Variants in CYP4X1 observed in about 807,000 individuals in gnomAD.
CYP4X1 encodes the protein cytochrome P450 4X1.
Under a neutral mutation model 57.9 loss-of-function variants are expected in CYP4X1, and 44 were observed. That is an observed-to-expected ratio of 0.76 (90% confidence interval 0.60 to 0.98). CYP4X1 has a LOEUF of 0.98. Ranked by LOEUF, CYP4X1 falls within the 50% of genes least tolerant of loss-of-function variation. The pLI, the probability that CYP4X1 is intolerant of heterozygous loss-of-function variation, is 0.00. For synonymous variants in CYP4X1, 227 were observed against 228.6 expected, an observed-to-expected ratio of 0.99 and a Z score of 0.06; for missense variants, 532 against 623.9, an observed-to-expected ratio of 0.85 and a Z score of 1.57.
intron 3 of CYP4X1, among the ~76,000 whole-genome samples, chr1:47,032,893 C>T (rs1644139042): frequency 6.6e-6 from 1 of 152,110 alleles, no homozygotes; most frequent in South Asian, 2.1e-4. Context: ...TATCATAGTT[C>T]ATTATTGAGA....
the CYP4X1 span, among the ~76,000 whole-genome samples, chr1:47,008,627 G>T: frequency 3.3e-5 from 5 of 152,094 alleles, 1 homozygote; most frequent in South Asian, 2.1e-4. Flanking sequence ...ACACAGACTG[G>T]CAAATTGGAT....
chr1:47,037,345 C>G (rs1291981197), intron 6 of CYP4X1, among the ~76,000 whole-genome samples: 5 of 146,294 alleles, frequency 3.4e-5, no homozygotes, highest in African/African-American at 7.6e-5. Flanking sequence ...GATCTCAGCT[C>G]ACTACAACCT....
At chr1:46,983,092 G>T in the CYP4X1 span, among the ~76,000 whole-genome samples, 159 of 152,306 alleles carry the variant, frequency 1.0e-3, no homozygotes, top group African/African-American at 3.7e-3. Context: ...AGGCCGTCTG[G>T]CCTTTTCTCT....
At chr1:46,999,746 ACT>A in the CYP4X1 span, among the ~76,000 whole-genome samples, 7,748 of 119,302 alleles carry the variant, frequency 0.065, 439 homozygotes, top group African/African-American at 0.17. Context: ...CTGTCTTTTA[ACT>A]CTTTTTCTTT....
rs769170796 is a variant in CYP4X1, at chr1:47,033,410, C to T, written c.492+42C>T. The T allele has an allele frequency of 1.4e-5, 22 of 1,609,778 alleles. 1 individual carries two copies. Among genetic ancestry groups the T allele is most frequent in the South Asian group, 3.3e-5 (3 of 90,520 alleles). On this transcript the variant is annotated intron_variant, in intron 4 of 11. Coordinates refer to ENST00000371901, the MANE Select transcript of CYP4X1 (RefSeq NM_178033.2). ...AGTGCTCTGTGCATTGCGAAATGCTCCCAGCAATGGACAGTATTAGGTATG... is the reference window on the plus strand; with the variant it reads ...AGTGCTCTGTGCATTGCGAAATGCTTCCAGCAATGGACAGTATTAGGTATG...
chr1:47,003,281 A>C, the CYP4X1 span: 1 of 152,250 alleles, frequency 6.6e-6, no homozygotes, highest in South Asian at 2.1e-4. Flanking sequence ...AGAAATTTGG[A>C]ACTGTTTCTG....
the CYP4X1 span, among the ~76,000 whole-genome samples, chr1:47,018,622 G>A: frequency 2.0e-5 from 3 of 152,046 alleles, no homozygotes; most frequent in African/African-American, 7.3e-5. Flanking sequence ...CTCTGTTTCA[G>A]GGGCTTAGAG....
chr1:46,999,260 G>A, the CYP4X1 span, among the ~76,000 whole-genome samples: 1 of 152,154 alleles, frequency 6.6e-6, no homozygotes, highest in Non-Finnish European at 1.5e-5. Flanking sequence ...ACTTATAATT[G>A]ACATATTCAA....
chr1:46,977,954 T>C, the CYP4X1 span, among the ~76,000 whole-genome samples: 3 of 151,996 alleles, frequency 2.0e-5, no homozygotes, highest in Non-Finnish European at 4.4e-5. Flanking sequence ...CAGGACTGCC[T>C]TACAAGAGCT....
chr1:47,021,063 T>C (rs1188536609), upstream of CYP4X1, among the ~76,000 whole-genome samples: 1 of 141,516 alleles, frequency 7.1e-6, no homozygotes, highest in African/African-American at 2.6e-5. Context: ...TCCAGGTTGA[T>C]GGGATTTTTT....
the CYP4X1 span, among the ~76,000 whole-genome samples, chr1:46,977,837 A>G: frequency 6.6e-6 from 1 of 152,136 alleles, no homozygotes; most frequent in African/African-American, 2.4e-5. Flanking sequence ...TCTTAAAAAA[A>G]AGAATTTTCA....
intron 8 of CYP4X1, among the ~76,000 whole-genome samples, chr1:47,044,217 G>T (rs1028205189): frequency 6.6e-6 from 1 of 151,926 alleles, no homozygotes; most frequent in African/African-American, 2.4e-5. Flanking sequence ...TTCTCTAGTG[G>T]TGTACTTTGA....
chr1:46,995,366 G>A, the CYP4X1 span, among the ~76,000 whole-genome samples: 1 of 151,932 alleles, frequency 6.6e-6, no homozygotes, highest in Admixed American at 6.6e-5. Flanking sequence ...ATCCATCCAG[G>A]AAAGGAAAAA....
At position 47,036,170 on chromosome 1, in the gene CYP4X1, A is replaced by AG; in HGVS notation, c.775+1dup. 1 of 1,607,558 alleles carries AG rather than the reference A, an allele frequency of 6.2e-7. No homozygotes were observed. Among genetic ancestry groups the AG allele is most frequent in the Non-Finnish European group, 8.5e-7 (1 of 1,175,308 alleles). Reference sequence around the variant, plus strand: ...TAAGCCGAGTGTTGAATCAGTACACAGGTATTTGTTGGGTTTGGGTTGCCC... The same window carrying AG: ...TAAGCCGAGTGTTGAATCAGTACACAGGGTATTTGTTGGGTTTGGGTTGCCC... On this transcript the variant is annotated frameshift_variant and splice_region_variant, in exon 6 of 12. Transcript: ENST00000371901. LOFTEE classifies it high-confidence loss of function.
chr1:47,022,898 T>C (rs904836607), upstream of CYP4X1, among the ~76,000 whole-genome samples: 5 of 152,190 alleles, frequency 3.3e-5, no homozygotes, highest in Non-Finnish European at 7.3e-5. Context: ...AAGTCAGGCT[T>C]GTTAGATCCT....
chr1:47,048,030 G>A (rs1468241600), intron 9 of CYP4X1, among the ~76,000 whole-genome samples: 1 of 151,554 alleles, frequency 6.6e-6, no homozygotes, highest in East Asian at 1.9e-4. Context: ...ACTGCTTGAA[G>A]TTAGGAGTCT....
the CYP4X1 span, among the ~76,000 whole-genome samples, chr1:46,999,856 T>G: frequency 1.3e-5 from 2 of 152,116 alleles, no homozygotes; most frequent in African/African-American, 2.4e-5. Context: ...CCCTATCTCT[T>G]TGGTGACAAG....
rs779321769 is a variant in CYP4X1 at position 47,039,422 on chromosome 1, G to A, written c.963G>A (p.Leu321=). The A allele has an allele frequency of 1.9e-6, 3 of 1,613,592 alleles. No homozygotes were observed. The highest frequency in any genetic ancestry group is 2.2e-5 in the South Asian group (2 of 91,028). ...STFLLAGHDT[L]AASISWILYC... ...TCCTGTTGGCAGGACATGACACCTTGGCAGCAAGCATCTCCTGGATCCTTT... is the reference window on the plus strand; with the variant it reads ...TCCTGTTGGCAGGACATGACACCTTAGCAGCAAGCATCTCCTGGATCCTTT... The change falls in exon 8 of 12, where the codon TTG becomes TTA. Residue 321 remains leucine, a synonymous_variant. Transcript: ENST00000371901.
chr1:46,995,437 G>A, the CYP4X1 span, among the ~76,000 whole-genome samples: 9 of 152,210 alleles, frequency 5.9e-5, no homozygotes, highest in Admixed American at 2.0e-4. Flanking sequence ...GAGAGTCCTA[G>A]GTAGAGGGAC....
Sources: allele counts gnomAD v4.1 joint callset (sites outside exome capture counted in the v4.1 genomes callset), GRCh38; gene constraint gnomAD v4.1.1; transcripts MANE v1.5; gene names NCBI Gene and HGNC (gene_info 2026-07-23, HGNC 2026-07-21).